The following DLC1 variants were observed in gnomAD, a reference collection of about 807,000 sequenced individuals.
The protein encoded by DLC1 is rho GTPase-activating protein 7.
A neutral mutation model predicts 140.3 loss-of-function variants in DLC1; 54 were observed. That is an observed-to-expected ratio of 0.38 (90% CI 0.31 to 0.48). The LOEUF is 0.48. Ranked by LOEUF, DLC1 falls within the 20% of genes least tolerant of loss-of-function variation. The probability of loss-of-function intolerance (pLI) is 0.96; values close to 1 mark genes in which losing one functional copy is unlikely to be tolerated. For synonymous variants in DLC1, 986 were observed against 728.1 expected, an observed-to-expected ratio of 1.35 and a Z score of -5.70; for missense variants, 2,536 against 1,907.0, an observed-to-expected ratio of 1.33 and a Z score of -6.14.
At chr8:13,419,198 C>T (rs1225418110) in intron 2 of DLC1, among the ~76,000 whole-genome samples, 1 of 151,934 alleles carries the variant, frequency 6.6e-6, no homozygotes, top group Non-Finnish European at 1.5e-5. Context: ...TAATTGAATA[C>T]CGTTTATTTC....
chr8:13,428,276 T>C (rs560794956), intron 2 of DLC1, among the ~76,000 whole-genome samples: 38 of 151,982 alleles, frequency 2.5e-4, no homozygotes, highest in African/African-American at 9.0e-4. Flanking sequence ...ATTTCAAGCA[T>C]ACATGTGGGT....
intron 5 of DLC1, among the ~76,000 whole-genome samples, chr8:13,144,884 C>G (rs1033760586): frequency 4.6e-5 from 7 of 152,154 alleles, no homozygotes; most frequent in African/African-American, 1.7e-4. Context: ...AACTGCCTAG[C>G]CATGTCCAGT....
chr8:13,453,407 T>TAC (rs1799172947), intron 2 of DLC1, among the ~76,000 whole-genome samples: 1 of 48,512 alleles, frequency 2.1e-5, no homozygotes, highest in South Asian at 7.0e-4. Flanking sequence ...TATATGTGTA[T>TAC]ATATATATAT....
intron 5 of DLC1, among the ~76,000 whole-genome samples, chr8:13,168,418 C>T (rs1441731189): frequency 6.6e-6 from 1 of 152,102 alleles, no homozygotes; most frequent in Non-Finnish European, 1.5e-5. Flanking sequence ...GAGAGCTTAA[C>T]ACAGTATTTT....
intron 5 of DLC1, among the ~76,000 whole-genome samples, chr8:13,303,114 A>C (rs1832270159): frequency 6.6e-6 from 1 of 152,218 alleles, no homozygotes; most frequent in Non-Finnish European, 1.5e-5. Context: ...TAAATGATCA[A>C]ATGAAATTAC....
intron 2 of DLC1, among the ~76,000 whole-genome samples, chr8:13,431,157 T>C (rs1838844087): frequency 6.6e-6 from 1 of 151,954 alleles, no homozygotes; most frequent in Non-Finnish European, 1.5e-5. Context: ...AACTGAGAAG[T>C]CCAAGAGGAT....
chr8:13,133,193 G>C, intron 5 of DLC1: 3 of 1,426,720 alleles, frequency 2.1e-6, no homozygotes, highest in South Asian at 1.5e-5. Flanking sequence ...CAGGGAGTTG[G>C]GCGAGAAGTC....
At chr8:13,435,980 G>C (rs1839106714) in intron 2 of DLC1, among the ~76,000 whole-genome samples, 1 of 152,204 alleles carries the variant, frequency 6.6e-6, no homozygotes. Context: ...TTGAGCTGCT[G>C]AAAGTTCAGA....
At chr8:13,567,191 G>C in intron 1 of DLC1, 1 of 1,551,822 alleles carries the variant, frequency 6.4e-7, no homozygotes, top group Admixed American at 2.0e-5. Context: ...TTGGAACAAG[G>C]AGACACACAA....
intron 5 of DLC1, among the ~76,000 whole-genome samples, chr8:13,205,795 T>C (rs7821474): frequency 1 from 152,137 of 152,310 alleles, 75,982 homozygotes; most frequent in East Asian, 1. Flanking sequence ...TTTAAAGACA[T>C]ATTATCTCAT....
intron 2 of DLC1, among the ~76,000 whole-genome samples, chr8:13,470,173 A>G (rs1800142502): frequency 1.3e-5 from 2 of 152,358 alleles, no homozygotes; most frequent in South Asian, 2.1e-4. Context: ...GGAAGAAAGC[A>G]TATTTGTCTT....
intron 5 of DLC1, among the ~76,000 whole-genome samples, chr8:13,270,299 T>C (rs1015827684): frequency 6.6e-6 from 1 of 152,212 alleles, no homozygotes; most frequent in Non-Finnish European, 1.5e-5. Context: ...ATGTGCAGAC[T>C]GTGCATGCAC....
At chr8:13,137,118 C>T (rs1227336232) in intron 5 of DLC1, among the ~76,000 whole-genome samples, 1 of 152,110 alleles carries the variant, frequency 6.6e-6, no homozygotes, top group Admixed American at 6.5e-5. Flanking sequence ...ATCTGAGGAA[C>T]CTTTACAAGC....
At chr8:13,183,081 A>G (rs926505916) in intron 5 of DLC1, among the ~76,000 whole-genome samples, 1 of 152,154 alleles carries the variant, frequency 6.6e-6, no homozygotes, top group South Asian at 2.1e-4. Flanking sequence ...CTTTGTAGCA[A>G]TTGTGAATGA....
chr8:13,477,910 G>C (rs1224771372), intron 2 of DLC1, among the ~76,000 whole-genome samples: 1 of 152,056 alleles, frequency 6.6e-6, no homozygotes, highest in East Asian at 1.9e-4. Context: ...GAATGATTCA[G>C]GTAATACCAA....
chr8:13,362,100 G>T (rs756597270), intron 4 of DLC1, among the ~76,000 whole-genome samples: 1 of 152,220 alleles, frequency 6.6e-6, no homozygotes, highest in Non-Finnish European at 1.5e-5. Flanking sequence ...GGAGGAAAGT[G>T]GGAGCAGTGG....
At chr8:13,124,983 CT>C (rs551992122) in intron 5 of DLC1, among the ~76,000 whole-genome samples, 95 of 146,132 alleles carry the variant, frequency 6.5e-4, no homozygotes, top group Admixed American at 8.2e-4. Flanking sequence ...TTCTTTTTTC[CT>C]TTTTTTTTTT....
intron 5 of DLC1, among the ~76,000 whole-genome samples, chr8:13,278,257 G>C (rs1162270086): frequency 1.3e-5 from 2 of 152,212 alleles, no homozygotes; most frequent in African/African-American, 2.4e-5. Flanking sequence ...AAGATTTTCA[G>C]AAAATATGAT....
intron 2 of DLC1, among the ~76,000 whole-genome samples, chr8:13,431,938 T>G (rs887877575): frequency 1.3e-5 from 2 of 152,296 alleles, no homozygotes; most frequent in East Asian, 3.9e-4. Flanking sequence ...GAAAGAAATA[T>G]TTTTCTACCA....
Sources: allele counts gnomAD v4.1 joint callset (sites outside exome capture counted in the v4.1 genomes callset), GRCh38; gene constraint gnomAD v4.1.1; transcripts MANE v1.5; gene names NCBI Gene and HGNC (gene_info 2026-07-23, HGNC 2026-07-21).